The following CALD1 variants were observed in gnomAD, a reference collection of about 807,000 sequenced individuals.
CALD1 encodes caldesmon 1.
In CALD1, 33 loss-of-function variants were observed where a neutral mutation model predicts 99.9. The ratio of observed to expected loss-of-function variants is 0.33; its 90% CI spans 0.25 to 0.44. The LOEUF (loss-of-function observed/expected upper bound fraction) is 0.44, where lower values mean the gene tolerates loss of function less well. Among genes scored for constraint, CALD1 ranks in the 20% least tolerant of loss-of-function variants. The probability of loss-of-function intolerance (pLI) is 1.00; values close to 1 mark genes in which losing one functional copy is unlikely to be tolerated. For missense variants in CALD1, 861 were observed against 962.1 expected (o/e 0.89, Z 1.39); for synonymous variants, 310 against 325.0 (o/e 0.95, Z 0.50).
At chr7:134,766,820 G>A (rs1468563440) in intron 1 of CALD1, among the ~76,000 whole-genome samples, 1 of 152,162 alleles carries the variant, frequency 6.6e-6, no homozygotes, top group Non-Finnish European at 1.5e-5. Context: ...AGGAGTTAGG[G>A]ATCGTGGCGG....
intron 2 of CALD1, among the ~76,000 whole-genome samples, chr7:134,853,876 C>CCT (rs35846091): frequency 0.74 from 104,350 of 140,816 alleles, 37,164 homozygotes; most frequent in East Asian, 0.93. Context: ...ACCCCCACCC[C>CCT]GACAGGTCCC....
chr7:134,813,262 AAG>A (rs757480797), intron 1 of CALD1, among the ~76,000 whole-genome samples: 2 of 152,204 alleles, frequency 1.3e-5, no homozygotes, highest in African/African-American at 2.4e-5. Context: ...TTTTTTTTGA[AAG>A]AGGGGCAGAG....
intron 3 of CALD1, among the ~76,000 whole-genome samples, chr7:134,889,767 T>C (rs762657033): frequency 2.1e-4 from 32 of 152,328 alleles, no homozygotes; most frequent in Non-Finnish European, 4.0e-4. Flanking sequence ...TATGTGCTAC[T>C]TTCATCAATA....
intron 3 of CALD1, among the ~76,000 whole-genome samples, chr7:134,905,922 C>CTTTT (rs5887716): frequency 2.5e-4 from 24 of 94,796 alleles, no homozygotes; most frequent in African/African-American, 3.8e-4. Context: ...CTCTCTATAT[C>CTTTT]TTTTTTTTTT....
chr7:134,784,780 G>A (rs1195614245), intron 1 of CALD1, among the ~76,000 whole-genome samples: 1 of 152,126 alleles, frequency 6.6e-6, no homozygotes, highest in Non-Finnish European at 1.5e-5. Flanking sequence ...AGTCAAGGTG[G>A]GTGAGAGGAT....
At chr7:134,860,625 A>T (rs535872275) in intron 2 of CALD1, among the ~76,000 whole-genome samples, 5 of 152,294 alleles carry the variant, frequency 3.3e-5, no homozygotes, top group South Asian at 2.1e-4. Flanking sequence ...TTGTGGAAAA[A>T]TTTTTTTAAA....
At chr7:134,788,363 G>A (rs981362968) in intron 1 of CALD1, among the ~76,000 whole-genome samples, 6 of 152,152 alleles carry the variant, frequency 3.9e-5, no homozygotes, top group African/African-American at 1.2e-4. Flanking sequence ...CATGATGGAA[G>A]TAATTACACC....
chr7:134,770,901 G>C (rs1053088276), intron 1 of CALD1, among the ~76,000 whole-genome samples: 1 of 152,216 alleles, frequency 6.6e-6, no homozygotes, highest in Non-Finnish European at 1.5e-5. Context: ...ACATGGTCAA[G>C]TCCGCCTACT....
At chr7:134,899,243 G>A (rs945045580) in intron 3 of CALD1, among the ~76,000 whole-genome samples, 2 of 128,450 alleles carry the variant, frequency 1.6e-5, no homozygotes, top group East Asian at 2.2e-4. Flanking sequence ...TTTCACTCTT[G>A]TTGAGGCTGG....
intron 1 of CALD1, among the ~76,000 whole-genome samples, chr7:134,755,004 T>TA (rs397747866): frequency 1.3e-4 from 16 of 125,792 alleles, no homozygotes; most frequent in East Asian, 2.8e-4. Flanking sequence ...ACTTTTTTTT[T>TA]ATTATTATTA....
At chr7:134,912,706 T>G (rs1803905471) in intron 3 of CALD1, among the ~76,000 whole-genome samples, 1 of 152,214 alleles carries the variant, frequency 6.6e-6, no homozygotes, top group Non-Finnish European at 1.5e-5. Context: ...TGGAAACATT[T>G]TCTAATGTAT....
At chr7:134,804,615 G>T (rs1258855104) in intron 1 of CALD1, among the ~76,000 whole-genome samples, 2 of 152,076 alleles carry the variant, frequency 1.3e-5, no homozygotes, top group Admixed American at 6.6e-5. Context: ...TTATACTCTT[G>T]TTTTGATGAA....
the CALD1 span, among the ~76,000 whole-genome samples, chr7:134,738,668 C>T: frequency 1.5e-3 from 233 of 152,124 alleles, no homozygotes; most frequent in African/African-American, 5.5e-3. Context: ...GATGGATCCT[C>T]AACTATAGGA....
intron 3 of CALD1, among the ~76,000 whole-genome samples, chr7:134,892,380 G>A (rs1032668788): frequency 2.0e-5 from 3 of 152,164 alleles, no homozygotes; most frequent in Non-Finnish European, 4.4e-5. Flanking sequence ...GCAAAGGGCC[G>A]TTTTCACACT....
intron 1 of CALD1, among the ~76,000 whole-genome samples, chr7:134,752,348 G>C (rs1321221977): frequency 6.6e-6 from 1 of 152,172 alleles, no homozygotes; most frequent in African/African-American, 2.4e-5. Context: ...TTTTCATTTT[G>C]TGTTTGCATT....
intron 1 of CALD1, among the ~76,000 whole-genome samples, chr7:134,784,319 C>T (rs1048781873): frequency 1.3e-5 from 2 of 152,200 alleles, no homozygotes; most frequent in Non-Finnish European, 2.9e-5. Flanking sequence ...TTCCCCCTCG[C>T]TTGTCTCAAG....
chr7:134,941,041 C>T (rs1488781850), intron 6 of CALD1, 51 bp from the exon 7 acceptor site: 1 of 1,513,842 alleles, frequency 6.6e-7, no homozygotes, highest in Non-Finnish European at 8.9e-7. Context: ...CAACCAAAAC[C>T]TAATAAGATT....
chr7:134,789,383 G>A (rs536264616), intron 1 of CALD1, among the ~76,000 whole-genome samples: 4 of 152,236 alleles, frequency 2.6e-5, no homozygotes, highest in Middle Eastern at 3.4e-3. Flanking sequence ...GTTACTCCAC[G>A]TCACTGAGAC....
intron 2 of CALD1, among the ~76,000 whole-genome samples, chr7:134,853,354 G>T (rs1800158608): frequency 6.6e-6 from 1 of 152,128 alleles, no homozygotes; most frequent in East Asian, 1.9e-4. Flanking sequence ...AATTTAATTT[G>T]TTGAATGAAT....
Sources: gnomAD v4.1 joint callset for allele counts (sites outside exome capture counted in the v4.1 genomes callset) on GRCh38, gnomAD v4.1.1 for gene constraint, MANE v1.5 for transcripts, NCBI Gene and HGNC (gene_info 2026-07-23, HGNC 2026-07-21) for gene names.